Variants in HSF1 observed in about 807,000 individuals in gnomAD.
HSF1 encodes the protein heat shock transcription factor 1.
HSF1 carries 32 observed loss-of-function variants against 51.7 expected under a neutral mutation model. The observed-to-expected ratio is 0.62, with a 90% CI of 0.47 to 0.83. The LOEUF is 0.83. Among genes scored for constraint, HSF1 ranks in the 40% least tolerant of loss-of-function variants. The pLI is 0.00. For synonymous variants in HSF1, 396 were observed against 309.7 expected (o/e 1.28, Z -2.92); for missense variants, 727 against 717.0 (o/e 1.01, Z -0.16).
At chr8:144,301,605 G>T (rs560321857) in intron 1 of HSF1, among the ~76,000 whole-genome samples, 68 of 152,074 alleles carry the variant, frequency 4.5e-4, no homozygotes, top group Non-Finnish European at 7.4e-4. Flanking sequence ...GGTGGCTCAC[G>T]CCTGTAATCC....
At position 144,309,789 on chromosome 8, in the gene HSF1, T is replaced by G; in HGVS notation, c.381T>G (p.Ser127Arg). 1 of 1,612,956 alleles carries G rather than the reference T, an allele frequency of 6.2e-7. No homozygotes were observed. The highest frequency in any genetic ancestry group is 8.5e-7 in the Non-Finnish European group (1 of 1,179,800). The change falls in exon 4 of 13, where the codon AGT (serine) becomes AGG (arginine). Residue 127 changes from serine (S) to arginine (R), a missense_variant. Physicochemically the swap from Ser to Arg is moderately radical, Grantham distance 110. Transcript: ENST00000528838. ...RKVTSVSTLKSEDIKIRQDSV... is the reference protein window; with the variant it reads ...RKVTSVSTLKREDIKIRQDSV... The stretch of plus-strand genomic sequence containing the variant: ...GAATCCAGGTGTCCACCCTGAAGAG[T>G]GAAGACATAAAGATCCGCCAGGACA...
intron 1 of HSF1, among the ~76,000 whole-genome samples, chr8:144,293,044 C>T (rs2130300530): frequency 6.6e-6 from 1 of 152,348 alleles, no homozygotes; most frequent in East Asian, 1.9e-4. Context: ...CATGTGTGGC[C>T]TCCCAGGAGC....
intron 1 of HSF1, among the ~76,000 whole-genome samples, chr8:144,300,931 G>A (rs1445522355): frequency 6.6e-6 from 1 of 152,216 alleles, no homozygotes; most frequent in African/African-American, 2.4e-5. Flanking sequence ...GTTCTTCAGA[G>A]TCACCGGAGC....
intron 1 of HSF1, among the ~76,000 whole-genome samples, chr8:144,294,848 A>G (rs1554841024): frequency 6.6e-6 from 1 of 151,378 alleles, no homozygotes; most frequent in Admixed American, 6.6e-5. Context: ...CGTGGAGGAC[A>G]GCACAGCCTT....
In HSF1 at chr8:144,309,396, T is replaced by C. The variant is rs1231027218; in HGVS notation, c.227-59T>C. The C allele has an allele frequency of 3.7e-6, 6 of 1,603,532 alleles. No homozygotes were observed. The African/African-American group carries it at 5.4e-5, about 14-fold the overall frequency. ...AGCAGCCTCCTGGAGCAGTGGCCGC[T>C]CTTCAGGGGTTCTGGTCCCGCCCTG... On this transcript the variant is annotated intron_variant, in intron 2 of 12. Transcript: ENST00000528838.
chr8:144,309,639 T>TGCCCCCCCCCCCCC, intron 3 of HSF1, 48 bp downstream of exon 3: 1 of 1,562,296 alleles, frequency 6.4e-7, no homozygotes, highest in Non-Finnish European at 8.7e-7. Context: ...GCCACAGCTC[T>TGCCCCCCCCCCCCC]CCCCGCCCGC....
intron 9 of HSF1, 98 bp from the exon 10 acceptor site, chr8:144,313,413 C>G: frequency 1.3e-6 from 1 of 795,122 alleles, no homozygotes; most frequent in South Asian, 1.5e-5. Context: ...GGGGGTGCAG[C>G]CTGGGGGGTA....
rs139430984 is a variant in HSF1, at chr8:144,312,754, C to T, written c.1142+510C>T. On this transcript the variant is annotated intron_variant, in intron 9 of 12. Transcript: ENST00000528838. ...TGGGGAGGGAGGAGGGCTCTGCCAG[C>T]GCTCGGGCCCTCCCACACAGCCGTG... is the stretch of plus-strand genomic sequence containing the variant. 6.1e-3 allele frequency: 8,999 copies of T among 1,484,456 alleles called. 83 individuals are homozygous for T. Among genetic ancestry groups the T allele is most frequent in the African/African-American group, 0.033 (2,381 of 72,120 alleles). The allele number at this position is 1,484,456 out of a possible 1,614,324, so 92.0% of individuals were successfully genotyped here. A position where few individuals can be genotyped will look rare whatever the true frequency, so the allele number is the denominator to read the frequency against.
rs781844393 is a variant in HSF1 at position 144,311,627 on chromosome 8, C to T, written c.723+26C>T. 7 of 1,612,758 alleles carry T rather than the reference C, an allele frequency of 4.3e-6. No individual in the cohort carries two copies. In the East Asian group the frequency reaches 1.1e-4, roughly 26 times the overall value. On this transcript the variant is annotated intron_variant, in intron 7 of 12. Coordinates refer to ENST00000528838, the MANE Select transcript of HSF1 (RefSeq NM_005526.4). ...GTGAGTGCCGGAGACAGGGCACCCG[C>T]CCAGGCATGCAGGCGGCAGTGGGGT... is the stretch of plus-strand genomic sequence containing the variant.
intron 9 of HSF1, chr8:144,312,780 G>A (rs982648075): frequency 2.2e-6 from 3 of 1,386,112 alleles, no homozygotes; most frequent in Non-Finnish European, 3.0e-6. Context: ...CACAGCCGTG[G>A]ACCAGACCCA....
chr8:144,296,583 G>C (rs1815475885), intron 1 of HSF1, among the ~76,000 whole-genome samples: 1 of 152,196 alleles, frequency 6.6e-6, no homozygotes, highest in Non-Finnish European at 1.5e-5. Flanking sequence ...CGGATCACGA[G>C]ATCAGGAGGT....
chr8:144,293,880 T>C (rs539299414), intron 1 of HSF1, among the ~76,000 whole-genome samples: 1 of 151,522 alleles, frequency 6.6e-6, no homozygotes, highest in Admixed American at 6.6e-5. Flanking sequence ...ATCTGCTTGC[T>C]GTTTCTGCTT....
At position 144,291,668 on chromosome 8, in the gene HSF1, G is replaced by C; in HGVS notation, c.-90G>C. The C allele has an allele frequency of 1.4e-6, 1 of 717,406 alleles. No homozygotes were observed. 44.4% of individuals were successfully genotyped at this position (717,406 alleles called of 1,614,324 possible). A position where few individuals can be genotyped will look rare whatever the true frequency, so the allele number is the denominator to read the frequency against. ...GTGTGTGCGCAGCGGGCGGCGGCGC[G>C]GCCCGGAAGGCTGGCGCGGCGACGG... On this transcript the variant is annotated 5_prime_UTR_variant, in exon 1 of 13. Transcript: ENST00000528838. This position sits in a 1 kb window ranked among gnomAD's most constrained non-coding sequence, Gnocchi z 4.1.
At chr8:144,299,519 AG>A (rs1311223348) in intron 1 of HSF1, among the ~76,000 whole-genome samples, 3 of 152,042 alleles carry the variant, frequency 2.0e-5, no homozygotes, top group Non-Finnish European at 4.4e-5. Flanking sequence ...TTGTCACTGG[AG>A]GGGGTCCAGT....
chr8:144,304,093 T>TG (rs1394876791), intron 1 of HSF1, among the ~76,000 whole-genome samples: 20 of 152,004 alleles, frequency 1.3e-4, no homozygotes, highest in Non-Finnish European at 2.6e-4. Flanking sequence ...TGTGAAACTC[T>TG]GGTGGTCTGC....
intron 1 of HSF1, among the ~76,000 whole-genome samples, chr8:144,307,106 G>A (rs1422743035): frequency 6.6e-6 from 1 of 152,206 alleles, no homozygotes; most frequent in African/African-American, 2.4e-5. Context: ...GAGATGTCCT[G>A]GAATATCTCA....
intron 1 of HSF1, among the ~76,000 whole-genome samples, chr8:144,305,723 A>ATTTTTTTTTTTT (rs146075122): frequency 1.3e-5 from 1 of 78,492 alleles, no homozygotes; most frequent in Non-Finnish European, 2.2e-5. Flanking sequence ...CCTCTGGTTA[A>ATTTTTTTTTTTT]TTTTTTTTTT....
At chr8:144,298,362 T>C (rs1257329416) in intron 1 of HSF1, among the ~76,000 whole-genome samples, 1 of 151,532 alleles carries the variant, frequency 6.6e-6, no homozygotes, top group Non-Finnish European at 1.5e-5. Flanking sequence ...TTCGGGAGGC[T>C]GAGGCGGTTG....
At chr8:144,303,281 G>A (rs545384104) in intron 1 of HSF1, among the ~76,000 whole-genome samples, 1 of 152,016 alleles carries the variant, frequency 6.6e-6, no homozygotes, top group Non-Finnish European at 1.5e-5. Context: ...GCCCCAGCAG[G>A]GCTCTTCGTA....
Sources: gnomAD v4.1 joint callset for allele counts (sites outside exome capture counted in the v4.1 genomes callset) on GRCh38, gnomAD v4.1.1 for gene constraint, Gnocchi (gnomAD v3.1) non-coding constraint, MANE v1.5 for transcripts, NCBI Gene and HGNC (gene_info 2026-07-23, HGNC 2026-07-21) for gene names.